Variants in SORCS1 observed in about 807,000 individuals in gnomAD.
The protein encoded by SORCS1 is sortilin related VPS10 domain containing receptor 1.
SORCS1 carries 60 observed loss-of-function variants against 146.1 expected under a neutral mutation model. The observed-to-expected ratio is 0.41, with a 90% CI of 0.33 to 0.51. The LOEUF is 0.51. SORCS1 is among the 20% of genes least tolerant of loss of function. SORCS1 has a pLI of 0.21. For synonymous variants in SORCS1, 637 were observed against 584.0 expected, an observed-to-expected ratio of 1.09 and a Z score of -1.31; for missense variants, 1,352 against 1,487.6, an observed-to-expected ratio of 0.91 and a Z score of 1.50.
At chr10:107,166,850 C>T (rs944872550), upstream of SORCS1, among the ~76,000 whole-genome samples, 1 of 152,208 alleles carries the variant, frequency 6.6e-6, no homozygotes, top group African/African-American at 2.4e-5. Context: ...GAAAAGAAGA[C>T]ATTAGTGGAT....
intron 5 of SORCS1, among the ~76,000 whole-genome samples, chr10:106,748,799 T>C (rs1417152546): frequency 6.6e-6 from 1 of 152,190 alleles, no homozygotes. Context: ...CTCCCACATT[T>C]ACCTATGTTT....
At chr10:106,716,891 T>C (rs1855414911) in intron 6 of SORCS1, among the ~76,000 whole-genome samples, 1 of 152,134 alleles carries the variant, frequency 6.6e-6, no homozygotes, top group Non-Finnish European at 1.5e-5. Context: ...ATCCCCAAAC[T>C]TTGGGATGCC....
At chr10:106,744,874 GA>G (rs1260641894) in intron 5 of SORCS1, among the ~76,000 whole-genome samples, 1 of 152,190 alleles carries the variant, frequency 6.6e-6, no homozygotes, top group East Asian at 1.9e-4. Context: ...GAACAAAGAG[GA>G]AAGCTCAGAA....
intron 3 of SORCS1, among the ~76,000 whole-genome samples, chr10:106,826,232 T>A (rs1194494894): frequency 1.3e-5 from 2 of 152,240 alleles, no homozygotes; most frequent in African/African-American, 4.8e-5. Flanking sequence ...CCGGGAATGC[T>A]GAGAGTTACC....
intron 2 of SORCS1, among the ~76,000 whole-genome samples, chr10:106,867,341 G>C (rs1203305768): frequency 6.6e-6 from 1 of 151,236 alleles, no homozygotes; most frequent in Non-Finnish European, 1.5e-5. Flanking sequence ...CTGGAGTGCA[G>C]TGGTGCAGTC....
At chr10:106,650,630 C>T (rs956848931) in intron 18 of SORCS1, among the ~76,000 whole-genome samples, 2 of 152,136 alleles carry the variant, frequency 1.3e-5, no homozygotes, top group African/African-American at 4.8e-5. Flanking sequence ...ATCTCCCAAG[C>T]CTTGTGAGTT....
At chr10:106,978,601 C>A (rs924511905) in intron 1 of SORCS1, among the ~76,000 whole-genome samples, 3 of 152,000 alleles carry the variant, frequency 2.0e-5, no homozygotes, top group African/African-American at 7.2e-5. Flanking sequence ...AGTTTGAGAC[C>A]AGCCTGACCA....
intron 25 of SORCS1, chr10:106,579,135 C>G (rs1844743277): frequency 1.2e-6 from 2 of 1,613,990 alleles, no homozygotes; most frequent in Non-Finnish European, 1.7e-6. Context: ...CTGGCCAGGC[C>G]TCCTTAGTTC....
At chr10:106,756,425 T>G (rs1271436081) in intron 5 of SORCS1, among the ~76,000 whole-genome samples, 2 of 152,200 alleles carry the variant, frequency 1.3e-5, no homozygotes, top group Non-Finnish European at 2.9e-5. Context: ...CATGATTTTT[T>G]TACTTAGTAA....
chr10:106,960,032 C>G lies in SORCS1; in HGVS notation c.559-3452G>C, dbSNP rs1374228859. 6.6e-6 allele frequency among the ~76,000 whole-genome samples: 1 copy of G among 152,174 alleles called. No homozygotes were observed. Among genetic ancestry groups the G allele is most frequent in the South Asian group, 2.1e-4 (1 of 4,798 alleles). On this transcript the variant is annotated intron_variant, in intron 1 of 25. Coordinates refer to ENST00000263054, the MANE Select transcript of SORCS1 (RefSeq NM_052918.5). The surrounding 1 kb of genome is among the most constrained non-coding windows in gnomAD (Gnocchi z 4.4). ...CCCCCACACAAAGTGGCATATCCAT[C>G]AGCACCCCATTTATTTCTGTATCTT...
chr10:106,821,064 T>C (rs1040978945), intron 3 of SORCS1, among the ~76,000 whole-genome samples: 5 of 152,180 alleles, frequency 3.3e-5, no homozygotes, highest in African/African-American at 1.2e-4. Context: ...TCAAAGAAGA[T>C]TGCGCAGATA....
chr10:106,938,632 T>C (rs1338914496), intron 2 of SORCS1, among the ~76,000 whole-genome samples: 1 of 152,238 alleles, frequency 6.6e-6, no homozygotes, highest in African/African-American at 2.4e-5. Flanking sequence ...TGTGCTTAGA[T>C]GGCCCAAAGA....
chr10:107,094,126 T>C lies in SORCS1; in HGVS notation c.558+69843A>G, dbSNP rs1346353067. On this transcript the variant is annotated intron_variant, in intron 1 of 25. Coordinates refer to ENST00000263054, the MANE Select transcript of SORCS1 (RefSeq NM_052918.5). ...ATATAATGCCCTTTATATATTTCAC[T>C]AATGTATATATTTTCTCTTTTTTAA... Among the ~76,000 whole-genome samples the C allele has an allele frequency of 3.9e-5, 6 of 152,346 alleles. No homozygotes were observed. The South Asian group carries it at 1.2e-3, about 32-fold the overall frequency.
chr10:107,011,385 G>A lies in SORCS1; in HGVS notation c.559-54805C>T, dbSNP rs1200473013. Among the ~76,000 whole-genome samples, 3 of 152,268 alleles carry A rather than the reference G, an allele frequency of 2.0e-5. No individual in the cohort carries two copies. In the East Asian group the frequency reaches 5.8e-4, roughly 29 times the overall value. On this transcript the variant is annotated intron_variant, in intron 1 of 25. Coordinates refer to ENST00000263054, the MANE Select transcript of SORCS1 (RefSeq NM_052918.5). ...ATCAAGAGCAGATGATAAGAAACAC[G>A]ACCTTCCACATAAAAGGGAGAAAAG...
chr10:106,977,915 T>G (rs1956099546), intron 1 of SORCS1, among the ~76,000 whole-genome samples: 1 of 152,216 alleles, frequency 6.6e-6, no homozygotes, highest in African/African-American at 2.4e-5. Flanking sequence ...TCCCAAAATG[T>G]CAGAGTTCGA....
chr10:107,123,512 A>T (rs1448332231), intron 1 of SORCS1, among the ~76,000 whole-genome samples: 1 of 152,238 alleles, frequency 6.6e-6, no homozygotes, highest in African/African-American at 2.4e-5. Flanking sequence ...AGAGAAACAC[A>T]ATAAATAGAA....
chr10:106,607,431 C>T, intron 22 of SORCS1, 134 bp from the exon 23 acceptor site: 1 of 1,217,058 alleles, frequency 8.2e-7, no homozygotes. Flanking sequence ...CTGGGCATAT[C>T]AGGCAGGGAG....
chr10:106,921,174 G>A (rs1453995792), intron 2 of SORCS1, among the ~76,000 whole-genome samples: 1 of 152,134 alleles, frequency 6.6e-6, no homozygotes, highest in African/African-American at 2.4e-5. Flanking sequence ...CAAATTTGGA[G>A]AGATACAGGT....
intron 16 of SORCS1, 149 bp from the exon 17 acceptor site, chr10:106,667,951 G>C (rs1851298368): frequency 1.6e-6 from 1 of 608,368 alleles, no homozygotes; most frequent in Non-Finnish European, 2.9e-6. Flanking sequence ...AGCATTCCCT[G>C]AATCAATGAC....
Sources: allele counts gnomAD v4.1 joint callset (sites outside exome capture counted in the v4.1 genomes callset), GRCh38; gene constraint gnomAD v4.1.1; non-coding constraint Gnocchi (gnomAD v3.1); transcripts MANE v1.5; gene names NCBI Gene and HGNC (gene_info 2026-07-23, HGNC 2026-07-21).